The following SNX16 variants were observed in gnomAD, a reference collection of about 807,000 sequenced individuals.
SNX16 encodes sorting nexin 16, also known as sorting nexin-16.
Under a neutral mutation model 36.7 loss-of-function variants are expected in SNX16, and 35 were observed. The observed-to-expected ratio is 0.95, with a 90% confidence interval of 0.73 to 1.27. SNX16 has a LOEUF of 1.27. SNX16 is among the 50% of genes most tolerant of loss of function. The pLI, the probability that SNX16 is intolerant of heterozygous loss-of-function variation, is 0.00. For missense variants in SNX16, 367 were observed against 393.6 expected, an observed-to-expected ratio of 0.93 and a Z score of 0.57; for synonymous variants, 134 against 132.0, an observed-to-expected ratio of 1.02 and a Z score of -0.10.
chr8:81,800,696 A>T lies in SNX16; in HGVS notation c.*801T>A, dbSNP rs1301665035. The T allele has an allele frequency of 6.6e-6, 1 of 152,134 alleles. No individual in the cohort carries two copies. The highest frequency in any genetic ancestry group is 1.5e-5 in the Non-Finnish European group (1 of 67,654). 9.4% of individuals were successfully genotyped at this position (152,134 alleles called of 1,614,324 possible). A position where few individuals can be genotyped will look rare whatever the true frequency, so the allele number is the denominator to read the frequency against. On this transcript the variant is annotated 3_prime_UTR_variant, in exon 8 of 8. Transcript: ENST00000345957. Reference sequence around the variant, plus strand: ...TTTGTATAAGCCCCTATTTATTTAGAATCTATATTTTCGAAAGAATATGCC... The same window carrying T: ...TTTGTATAAGCCCCTATTTATTTAGTATCTATATTTTCGAAAGAATATGCC...
Position 81,811,101 on chromosome 8 carries a change from T to G in SNX16, c.681+4224A>C, listed in dbSNP as rs559985671. On this transcript the variant is annotated intron_variant, in intron 5 of 7. Coordinates refer to ENST00000345957, the MANE Select transcript of SNX16 (RefSeq NM_152836.3). ...TAAAGGAATAAAAATCCTGGAATCC[T>G]TGAGCTGGAAAAGGAGTGATAAACA... is the stretch of plus-strand genomic sequence containing the variant. 2.5e-4 allele frequency among the ~76,000 whole-genome samples: 38 copies of G among 152,344 alleles called. No individual in the cohort carries two copies. The South Asian group carries it at 3.5e-3, about 14-fold the overall frequency.
intron 3 of SNX16, among the ~76,000 whole-genome samples, chr8:81,828,766 A>C (rs1811118761): frequency 6.6e-6 from 1 of 152,208 alleles, no homozygotes; most frequent in Admixed American, 6.5e-5. Context: ...GCTTCAAAGT[A>C]CAGGAAGAAC....
At position 81,802,506 on chromosome 8, in the gene SNX16, G is replaced by T; in HGVS notation, c.819-7C>A. The T allele has an allele frequency of 6.3e-7, 1 of 1,598,696 alleles. No homozygotes were observed. The highest frequency in any genetic ancestry group is 2.3e-5 in the East Asian group (1 of 44,304). On this transcript the variant is annotated splice_polypyrimidine_tract_variant and splice_region_variant and intron_variant, in intron 6 of 7. Coordinates refer to ENST00000345957, the MANE Select transcript of SNX16 (RefSeq NM_152836.3). ...AGGTTCTAAAGACAATGTTCTAAAA[G>T]TATGTTATAGCAACAAGTTATTTTC...
At chr8:81,834,412 A>T (rs1352276133) in intron 2 of SNX16, among the ~76,000 whole-genome samples, 4 of 152,024 alleles carry the variant, frequency 2.6e-5, no homozygotes, top group African/African-American at 9.7e-5. Context: ...ACATTTCAAA[A>T]CTAATAGTGC....
intron 4 of SNX16, 142 bp downstream of exon 4, chr8:81,823,650 T>C (rs1810876836): frequency 1.6e-6 from 1 of 609,778 alleles, no homozygotes; most frequent in African/African-American, 1.9e-5. Flanking sequence ...AAATCTCTTG[T>C]AGTACTTTGT....
Position 81,839,954 on chromosome 8 carries a change from G to A in SNX16, c.33C>T (p.Pro11=), listed in dbSNP as rs1224238883. MATPYVPVPM[P]IGNSASSFTT... ...TAAAACTGGAAGCAGAGTTTCCTAT[G>A]GGCATAGGAACTGGGACATAAGGAG... Residue 11 remains proline, a synonymous_variant, in exon 2 of 8, where the codon CCC becomes CCT. Transcript: ENST00000345957. The A allele has an allele frequency of 3.7e-6, 6 of 1,613,300 alleles. No individual in the cohort carries two copies. In the Admixed American group the frequency reaches 5.0e-5, roughly 13 times the overall value.
intron 5 of SNX16, among the ~76,000 whole-genome samples, chr8:81,808,929 GTTATT>G (rs1810098958): frequency 6.6e-6 from 1 of 151,644 alleles, no homozygotes; most frequent in African/African-American, 2.4e-5. Context: ...TGTATAACAG[GTTATT>G]TTAGTTTCTG....
chr8:81,826,791 C>A (rs1431376004), intron 3 of SNX16, among the ~76,000 whole-genome samples: 1 of 152,142 alleles, frequency 6.6e-6, no homozygotes, highest in Non-Finnish European at 1.5e-5. Context: ...TTTTGTATTG[C>A]CAATTAGCTA....
chr8:81,807,977 A>G (rs1563432633), intron 5 of SNX16: 1 of 795,174 alleles, frequency 1.3e-6, no homozygotes. Context: ...GGGGAGGTGG[A>G]TGCAGCCGTG....
chr8:81,824,089 T>G, intron 3 of SNX16, 149 bp from the exon 4 acceptor site: 1 of 721,506 alleles, frequency 1.4e-6, no homozygotes, highest in Admixed American at 3.2e-5. Flanking sequence ...CCTTGTTTTA[T>G]TTCTTGTTTT....
At chr8:81,802,075 A>C (rs1255816265) in intron 7 of SNX16, among the ~76,000 whole-genome samples, 10 of 151,630 alleles carry the variant, frequency 6.6e-5, no homozygotes, top group Admixed American at 6.6e-4. Context: ...AGATTAAGGT[A>C]ATCTGTCAAT....
intron 4 of SNX16, among the ~76,000 whole-genome samples, chr8:81,820,714 G>A (rs904707660): frequency 7.3e-5 from 11 of 151,578 alleles, no homozygotes; most frequent in Admixed American, 5.3e-4. Context: ...TGATCTCCCC[G>A]CTTCTTTGAG....
Position 81,835,267 on chromosome 8 carries a change from A to G in SNX16, c.375+4345T>C, listed in dbSNP as rs1359596995. On this transcript the variant is annotated intron_variant, in intron 2 of 7. Coordinates refer to ENST00000345957, the MANE Select transcript of SNX16 (RefSeq NM_152836.3). ...CACATAGCACAGGGACCCTGGGCCC[A>G]GTCCACAAAACCACGTTTTCCTCCT... 3.9e-5 allele frequency among the ~76,000 whole-genome samples: 6 copies of G among 152,318 alleles called. No individual in the cohort carries two copies. In the South Asian group the frequency reaches 1.2e-3, roughly 32 times the overall value.
chr8:81,808,254 G>C (rs2130613437), intron 5 of SNX16: 1 of 1,195,920 alleles, frequency 8.4e-7, no homozygotes, highest in Admixed American at 1.7e-5. Context: ...CCATGGATAA[G>C]ACGGTCATTC....
At chr8:81,840,109 G>A in intron 1 of SNX16, 27 bp from the exon 2 acceptor site, 1 of 1,159,344 alleles carries the variant, frequency 8.6e-7, no homozygotes, top group Non-Finnish European at 1.2e-6. Flanking sequence ...CATATTAAAA[G>A]GTTAGTCTTT....
Position 81,815,491 on chromosome 8 carries a change from C to T in SNX16, c.612-97G>A, listed in dbSNP as rs527413610. On this transcript the variant is annotated intron_variant, in intron 4 of 7. Coordinates refer to ENST00000345957, the MANE Select transcript of SNX16 (RefSeq NM_152836.3). ...CTTTGAAGCTGTACAGTGTTTTAAA[C>T]AAGTTGGTTATGTGTTTTCATACAA... 8.0e-5 allele frequency: 71 copies of T among 887,474 alleles called. 1 individual carries two copies. The African/African-American group carries it at 1.0e-3, about 13-fold the overall frequency. 55.0% of individuals were successfully genotyped at this position (887,474 alleles called of 1,614,324 possible).
At chr8:81,814,958 T>C (rs1322628956) in intron 5 of SNX16, 12 of 154,358 alleles carry the variant, frequency 7.8e-5, no homozygotes, top group Admixed American at 7.7e-4. Context: ...AAGTTTTAAA[T>C]TTGATTTTAG....
intron 5 of SNX16, among the ~76,000 whole-genome samples, chr8:81,809,928 G>C (rs1313618770): frequency 6.6e-6 from 1 of 152,146 alleles, no homozygotes; most frequent in African/African-American, 2.4e-5. Flanking sequence ...ACTGTCCTTA[G>C]AATAGTCATT....
rs1809648326 is a variant in SNX16 at position 81,800,736 on chromosome 8, TA to T, written c.*760del. 1 of 152,076 alleles carries T rather than the reference TA, an allele frequency of 6.6e-6. No homozygotes were observed. Among genetic ancestry groups the T allele is most frequent in the Admixed American group, 6.6e-5 (1 of 15,210 alleles). The allele number at this position is 152,076 out of a possible 1,614,324, so 9.4% of individuals were successfully genotyped here. On this transcript the variant is annotated 3_prime_UTR_variant, in exon 8 of 8. Coordinates refer to ENST00000345957, the MANE Select transcript of SNX16 (RefSeq NM_152836.3). ...AAGAATATGCCTTAACAAAAGGAGGTAGTATTCTGAAAGAGGCAAACTCACT... is the reference window on the plus strand; with the variant it reads ...AAGAATATGCCTTAACAAAAGGAGGTGTATTCTGAAAGAGGCAAACTCACT...
Sources: gnomAD v4.1 joint callset for allele counts (sites outside exome capture counted in the v4.1 genomes callset) on GRCh38, gnomAD v4.1.1 for gene constraint, MANE v1.5 for transcripts, NCBI Gene and HGNC (gene_info 2026-07-23, HGNC 2026-07-21) for gene names.